RIF1: variants seen among roughly 807,000 people sequenced by gnomAD.
RIF1 encodes replication timing regulatory factor 1.
A neutral mutation model predicts 247.1 loss-of-function variants in RIF1; 45 were observed. The observed-to-expected ratio is 0.18, with a 90% CI of 0.14 to 0.23. The LOEUF (loss-of-function observed/expected upper bound fraction) is 0.23. Ranked by LOEUF, RIF1 falls within the 10% of genes least tolerant of loss-of-function variation. The probability of loss-of-function intolerance (pLI) is 1.00; values close to 1 mark genes in which losing one functional copy is unlikely to be tolerated. For missense variants in RIF1, 2,967 were observed against 2,862.5 expected (o/e 1.04, Z -0.83); for synonymous variants, 1,087 against 978.8 (o/e 1.11, Z -2.06).
chr2:151,438,460 G>A (rs890273811), intron 13 of RIF1, among the ~76,000 whole-genome samples: 1 of 152,130 alleles, frequency 6.6e-6, no homozygotes, highest in African/African-American at 2.4e-5. Context: ...CCTGGACAGA[G>A]CAAGACCCTG....
intron 6 of RIF1, 100 bp downstream of exon 6, chr2:151,417,001 G>C (rs1384658413): frequency 1.2e-6 from 1 of 829,142 alleles, no homozygotes; most frequent in African/African-American, 1.7e-5. Flanking sequence ...CATTAAAAGG[G>C]GGGAATGTCA....
chr2:151,411,131 C>A, intron 2 of RIF1, 129 bp from the exon 3 acceptor site: 1 of 636,380 alleles, frequency 1.6e-6, no homozygotes, highest in East Asian at 2.7e-5. Flanking sequence ...CCTTAAGGAC[C>A]TTACCTACTG....
chr2:151,461,936 T>C (rs1696242495), intron 27 of RIF1, among the ~76,000 whole-genome samples: 1 of 151,826 alleles, frequency 6.6e-6, no homozygotes, highest in Non-Finnish European at 1.5e-5. Context: ...TGCAGTGGCA[T>C]GATCTCTGCT....
At chr2:151,424,417 G>A (rs1414358659) in intron 8 of RIF1, among the ~76,000 whole-genome samples, 6 of 152,166 alleles carry the variant, frequency 3.9e-5, no homozygotes, top group Admixed American at 2.0e-4. Flanking sequence ...AAGTTTTTAA[G>A]ATTTATCCAT....
At chr2:151,433,562 C>G (rs771259409) in intron 10 of RIF1, among the ~76,000 whole-genome samples, 2 of 152,160 alleles carry the variant, frequency 1.3e-5, no homozygotes, top group African/African-American at 4.8e-5. Flanking sequence ...TCAAGTGATT[C>G]TCCTGTGTCA....
intron 9 of RIF1, among the ~76,000 whole-genome samples, chr2:151,431,778 T>TGAATGAATGA (rs1275883953): frequency 1.4e-5 from 1 of 73,732 alleles, no homozygotes; most frequent in Admixed American, 1.8e-4. Flanking sequence ...AACTTCCGTC[T>TGAATGAATGA]CTGAATGAAT....
At chr2:151,435,321 T>G in intron 10 of RIF1, 142 bp from the exon 11 acceptor site, 1 of 608,868 alleles carries the variant, frequency 1.6e-6, no homozygotes, top group Non-Finnish European at 2.9e-6. Context: ...CAAATTCCAC[T>G]TTTTAGCCTG....
chr2:151,451,379 G>A (rs1694294143), intron 20 of RIF1, among the ~76,000 whole-genome samples: 1 of 152,164 alleles, frequency 6.6e-6, no homozygotes, highest in African/African-American at 2.4e-5. Flanking sequence ...ATCTAGGTTT[G>A]TGTGGGTACA....
chr2:151,434,199 T>C (rs1399977485), intron 10 of RIF1, among the ~76,000 whole-genome samples: 1 of 151,516 alleles, frequency 6.6e-6, no homozygotes, highest in Non-Finnish European at 1.5e-5. Context: ...AATCAAGTGC[T>C]ACACTGGGTA....
intron 29 of RIF1, among the ~76,000 whole-genome samples, 174 bp downstream of exon 29, chr2:151,462,640 C>T (rs1240345348): frequency 1.5e-5 from 2 of 130,624 alleles, no homozygotes; most frequent in Non-Finnish European, 3.4e-5. Flanking sequence ...TATCAGCAGA[C>T]ACTAGTCAGT....
In RIF1 at chr2:151,465,748, A is replaced by G; in HGVS notation, c.6228A>G (p.Glu2076=). ...GTGACACAGTTGAAATGAGCACTGA[A>G]GAAGGAATCATTGACGCTAATAAAA... ...FVCDTVEMST[E]EGIIDANKTE... is the part of the protein sequence containing the mutation. Residue 2076 remains glutamate (E), a synonymous_variant, in exon 30 of 36, where the codon GAA becomes GAG. Coordinates refer to ENST00000444746, the MANE Select transcript of RIF1 (RefSeq NM_018151.5). 2 of 1,613,908 alleles carry G rather than the reference A, an allele frequency of 1.2e-6. No individual in the cohort carries two copies. The highest frequency in any genetic ancestry group is 1.1e-5 in the South Asian group (1 of 91,072).
chr2:151,418,299 G>A (rs1687562089), intron 6 of RIF1, among the ~76,000 whole-genome samples: 1 of 152,180 alleles, frequency 6.6e-6, no homozygotes, highest in Non-Finnish European at 1.5e-5. Flanking sequence ...CTACCTCCCA[G>A]GTTCAAGTAA....
intron 13 of RIF1, among the ~76,000 whole-genome samples, chr2:151,437,804 TGTTA>T (rs755119033): frequency 4.6e-5 from 7 of 152,342 alleles, no homozygotes; most frequent in East Asian, 3.9e-4. Flanking sequence ...TAACATACCA[TGTTA>T]GTTCATTTTA....
intron 16 of RIF1, among the ~76,000 whole-genome samples, chr2:151,442,932 C>A (rs191567943): frequency 3.3e-5 from 5 of 151,652 alleles, no homozygotes; most frequent in African/African-American, 1.2e-4. Flanking sequence ...CCACCCTGCC[C>A]GGCTAGTTTT....
intron 9 of RIF1, chr2:151,492,698 C>CT (rs1212470510): frequency 1.0e-5 from 4 of 383,844 alleles, no homozygotes; most frequent in Non-Finnish European, 1.9e-5. Context: ...CTTGTTTTGA[C>CT]TTCGAAAATG....
the RIF1 span, chr2:151,527,529 G>T: frequency 3.1e-6 from 5 of 1,613,502 alleles, no homozygotes; most frequent in Admixed American, 8.3e-5. Flanking sequence ...AGTCCGGTCG[G>T]TCAGGAGTCC....
At chr2:151,497,809 C>G in intron 10 of RIF1, 2 of 1,536,636 alleles carry the variant, frequency 1.3e-6, no homozygotes, top group East Asian at 4.9e-5. Flanking sequence ...CACAGTCATC[C>G]AAGGAGCCAG....
chr2:151,441,138 T>C (rs1692227213), intron 15 of RIF1, among the ~76,000 whole-genome samples: 1 of 152,136 alleles, frequency 6.6e-6, no homozygotes, highest in Non-Finnish European at 1.5e-5. Flanking sequence ...GGAGAATCAC[T>C]TGAGCCCATG....
At chr2:151,487,909 C>T (rs1574389141) in intron 9 of RIF1, among the ~76,000 whole-genome samples, 1 of 152,074 alleles carries the variant, frequency 6.6e-6, no homozygotes, top group East Asian at 1.9e-4. Flanking sequence ...CTATTCCTGA[C>T]CTAATTTTTT....
Sources: gnomAD v4.1 joint callset for allele counts (sites outside exome capture counted in the v4.1 genomes callset) on GRCh38, gnomAD v4.1.1 for gene constraint, MANE v1.5 for transcripts, NCBI Gene and HGNC (gene_info 2026-07-23, HGNC 2026-07-21) for gene names.